MYLK: variants seen among roughly 807,000 people sequenced by gnomAD.
MYLK encodes the protein myosin light chain kinase.
MYLK carries 106 observed loss-of-function variants against 203.4 expected under a neutral mutation model. The observed-to-expected ratio is 0.52, with a 90% CI of 0.45 to 0.61. The LOEUF is 0.61. MYLK is among the 20% of genes least tolerant of loss of function. The probability of loss-of-function intolerance (pLI) is 0.00; values close to 1 mark genes in which losing one functional copy is unlikely to be tolerated. For missense variants in MYLK, 2,072 were observed against 2,442.3 expected, an observed-to-expected ratio of 0.85 and a Z score of 3.20; for synonymous variants, 867 against 959.5, an observed-to-expected ratio of 0.90 and a Z score of 1.78.
intron 3 of MYLK, among the ~76,000 whole-genome samples, chr3:123,826,576 A>T (rs1374247948): frequency 6.6e-6 from 1 of 151,878 alleles, no homozygotes; most frequent in Non-Finnish European, 1.5e-5. Context: ...CCCACAGACC[A>T]CTCCTGACAG....
chr3:123,802,989 G>A (rs1255233043), intron 3 of MYLK, among the ~76,000 whole-genome samples: 2 of 151,990 alleles, frequency 1.3e-5, no homozygotes, highest in African/African-American at 4.8e-5. Context: ...ACTGTGCCTT[G>A]TGTTTTAAAC....
At chr3:123,659,276 A>G (rs1451108506) in intron 23 of MYLK, among the ~76,000 whole-genome samples, 1 of 152,200 alleles carries the variant, frequency 6.6e-6, no homozygotes, top group East Asian at 1.9e-4. Flanking sequence ...GTGTGGGCTT[A>G]TAAACGAATG....
At chr3:123,864,039 C>A (rs887127175) in intron 2 of MYLK, among the ~76,000 whole-genome samples, 3 of 152,050 alleles carry the variant, frequency 2.0e-5, no homozygotes, top group Non-Finnish European at 4.4e-5. Context: ...GACTGATACA[C>A]AAAACAACAT....
intron 2 of MYLK, among the ~76,000 whole-genome samples, chr3:123,855,426 A>G (rs1406125081): frequency 6.6e-6 from 1 of 151,972 alleles, no homozygotes; most frequent in Non-Finnish European, 1.5e-5. Flanking sequence ...TTTCATTTAT[A>G]TATGTTTTTA....
intron 5 of MYLK, 66 bp from the exon 6 acceptor site, chr3:123,740,067 T>C: frequency 6.5e-7 from 1 of 1,534,808 alleles, no homozygotes; most frequent in South Asian, 1.1e-5. Context: ...AGTAAAAAGA[T>C]TCAACAGCAG....
At chr3:123,739,212 T>C (rs769380841) in intron 6 of MYLK, 150 bp from the exon 7 acceptor site, 15 of 923,176 alleles carry the variant, frequency 1.6e-5, no homozygotes, top group Non-Finnish European at 1.7e-5. Flanking sequence ...TCTCATGCTC[T>C]CTCTAGAAAA....
intron 4 of MYLK, among the ~76,000 whole-genome samples, chr3:123,769,072 T>C (rs748980150): frequency 6.6e-6 from 1 of 152,172 alleles, no homozygotes; most frequent in Non-Finnish European, 1.5e-5. Flanking sequence ...TCAGACTACT[T>C]AAAATCAGGC....
chr3:123,808,191 C>T (rs1239470167), intron 3 of MYLK, among the ~76,000 whole-genome samples: 1 of 152,228 alleles, frequency 6.6e-6, no homozygotes, highest in Non-Finnish European at 1.5e-5. Context: ...TCCACTTCCA[C>T]ACAGCCCTGT....
intron 3 of MYLK, among the ~76,000 whole-genome samples, chr3:123,814,405 T>C (rs11920915): frequency 1.2e-3 from 176 of 152,322 alleles, no homozygotes; most frequent in African/African-American, 4.1e-3. Flanking sequence ...TACAGGAATG[T>C]TGAACTCACC....
intron 33 of MYLK, chr3:123,616,353 ATATAT>A (rs1207677117): frequency 1.3e-5 from 2 of 152,156 alleles, no homozygotes; most frequent in African/African-American, 4.8e-5. Flanking sequence ...CATATAAAAT[ATATAT>A]TATATGTATT....
intron 9 of MYLK, chr3:123,734,845 T>C (rs903568623): frequency 1.1e-5 from 2 of 179,332 alleles, no homozygotes; most frequent in Non-Finnish European, 2.4e-5. Context: ...CTAACATTCC[T>C]TTGCACAGGT....
rs1171382798 is a variant in MYLK, at chr3:123,884,256, GC to G, written c.-237del. ...CCGGGGCACCGGCGCTCGGCGGGGC[GC>G]CCCGGCCGCAGGCGCACAGCGCGGG... On this transcript the variant is annotated 5_prime_UTR_variant, in exon 1 of 34. Transcript: ENST00000360304. 6.7e-6 allele frequency: 1 copy of G among 148,976 alleles called. No individual in the cohort carries two copies. The highest frequency in any genetic ancestry group is 1.5e-5 in the Non-Finnish European group (1 of 67,032). The allele number at this position is 148,976 out of a possible 1,614,324, so 9.2% of individuals were successfully genotyped here.
Position 123,707,908 on chromosome 3 carries a change from C to CA in MYLK, c.2235dup (p.Gly746TrpfsTer2). 6.2e-7 allele frequency: 1 copy of CA among 1,614,206 alleles called. No homozygotes were observed. Among genetic ancestry groups the CA allele is most frequent in the South Asian group, 1.1e-5 (1 of 91,074 alleles). On this transcript the variant is annotated frameshift_variant, in exon 16 of 34. Coordinates refer to ENST00000360304, the MANE Select transcript of MYLK (RefSeq NM_053025.4). LOFTEE classifies it high-confidence loss of function. ...CAGTGCACGGTAGGAAAGGGGTCAC[C>CA]AGCTATGGCGCAGGAGATGAGGACA...
At chr3:123,831,267 C>T (rs938843875) in intron 3 of MYLK, 7 of 816,106 alleles carry the variant, frequency 8.6e-6, no homozygotes, top group South Asian at 5.1e-5. Flanking sequence ...CAGGGCAACC[C>T]GCAGGCCCTT....
intron 1 of MYLK, among the ~76,000 whole-genome samples, chr3:123,880,391 C>T (rs946778200): frequency 1.3e-5 from 2 of 152,106 alleles, no homozygotes; most frequent in African/African-American, 4.8e-5. Context: ...TGTTCGGTTC[C>T]CCCAAAGATT....
rs1296033604 is a variant in MYLK, at chr3:123,722,295, C to T, written c.1652-15G>A. ...GATGGGCTGCCCTGTGGAGGAAGCA[C>T]AGGAAGGCTCAGGCCAGGCAGCACT... On this transcript the variant is annotated splice_polypyrimidine_tract_variant and intron_variant, in intron 12 of 33. Transcript: ENST00000360304. 2 of 1,561,646 alleles carry T rather than the reference C, an allele frequency of 1.3e-6. No homozygotes were observed. Among genetic ancestry groups the T allele is most frequent in the Non-Finnish European group, 1.7e-6 (2 of 1,152,780 alleles).
At chr3:123,822,324 T>C (rs1260256943) in intron 3 of MYLK, among the ~76,000 whole-genome samples, 1 of 152,138 alleles carries the variant, frequency 6.6e-6, no homozygotes, top group East Asian at 1.9e-4. Context: ...TCCTCATCAA[T>C]ACAGAGAAAT....
At chr3:123,617,341 T>C (rs1019728960) in intron 33 of MYLK, 2 of 152,132 alleles carry the variant, frequency 1.3e-5, no homozygotes, top group Admixed American at 6.5e-5. Context: ...CCAAATGCAA[T>C]GGTAATGGTG....
rs948204458 is a variant in MYLK at position 123,707,772 on chromosome 3, T to C, written c.2372A>G (p.Gln791Arg). The part of the protein sequence containing the change: ...LKKVQPWHAG[Q>R]YEILLKNRVG... ...GACTCACTTGAGCAGGATCTCATAC[T>C]GGCCGGCATGCCAGGGCTGCACCTT... is the stretch of plus-strand genomic sequence containing the variant. The change falls in exon 16 of 34, where the codon CAG becomes CGG. Residue 791 changes from glutamine to arginine, a missense_variant. Around this residue, in one of 3 missense-constraint regions of MYLK, gnomAD observed 865 missense variants for 1,016.0 expected, o/e 0.85. Coordinates refer to ENST00000360304, the MANE Select transcript of MYLK (RefSeq NM_053025.4). 4 of 1,614,234 alleles carry C rather than the reference T, an allele frequency of 2.5e-6. No individual in the cohort carries two copies. Among genetic ancestry groups the C allele is most frequent in the Non-Finnish European group, 3.4e-6 (4 of 1,180,032 alleles).
Sources: allele counts gnomAD v4.1 joint callset (sites outside exome capture counted in the v4.1 genomes callset), GRCh38; gene constraint gnomAD v4.1.1; regional missense constraint gnomAD v4.1.1; transcripts MANE v1.5; gene names NCBI Gene and HGNC (gene_info 2026-07-23, HGNC 2026-07-21).